The following DPP10 variants were observed in gnomAD, a reference collection of about 807,000 sequenced individuals.
The protein encoded by DPP10 is dipeptidyl peptidase like 10, also known as inactive dipeptidyl peptidase 10.
In DPP10, 33 loss-of-function variants were observed where a neutral mutation model predicts 120.9. The ratio of observed to expected loss-of-function variants is 0.27; its 90% CI spans 0.21 to 0.37. The LOEUF (loss-of-function observed/expected upper bound fraction) is 0.37, where lower values mean the gene tolerates loss of function less well. Ranked by LOEUF, DPP10 falls within the 10% of genes least tolerant of loss-of-function variation. The pLI, the probability that DPP10 is intolerant of heterozygous loss-of-function variation, is 1.00. For missense variants in DPP10, 816 were observed against 942.8 expected (o/e 0.87, Z 1.76); for synonymous variants, 337 against 326.1 (o/e 1.03, Z -0.36).
chr2:114,475,920 C>T (rs1680336318), intron 1 of DPP10, among the ~76,000 whole-genome samples: 1 of 151,658 alleles, frequency 6.6e-6, no homozygotes, highest in South Asian at 2.1e-4. Context: ...AACAAGTTTT[C>T]CTGTTTCTCA....
At chr2:115,099,562 A>G (rs1217363863) in intron 1 of DPP10, among the ~76,000 whole-genome samples, 10 of 152,132 alleles carry the variant, frequency 6.6e-5, no homozygotes, top group Non-Finnish European at 1.3e-4. Flanking sequence ...CTCTAGAACC[A>G]AGAACTGTAA....
At chr2:114,918,190 T>C (rs192228390) in intron 1 of DPP10, among the ~76,000 whole-genome samples, 54 of 152,146 alleles carry the variant, frequency 3.5e-4, no homozygotes, top group Admixed American at 9.8e-4. Context: ...CCAACAAGCA[T>C]AGGAAAAAAT....
chr2:115,367,173 G>A (rs1490844997), intron 3 of DPP10, among the ~76,000 whole-genome samples: 1 of 151,988 alleles, frequency 6.6e-6, no homozygotes, highest in Non-Finnish European at 1.5e-5. Context: ...TTGAATTTTA[G>A]ATGTAATGGA....
At chr2:115,630,615 A>G (rs1225191762) in intron 5 of DPP10, among the ~76,000 whole-genome samples, 1 of 152,134 alleles carries the variant, frequency 6.6e-6, no homozygotes, top group Non-Finnish European at 1.5e-5. Flanking sequence ...TTTAACATGA[A>G]GCGATGTTGA....
intron 3 of DPP10, among the ~76,000 whole-genome samples, chr2:115,482,807 A>G (rs545272842): frequency 1.9e-4 from 29 of 152,032 alleles, no homozygotes; most frequent in Non-Finnish European, 3.4e-4. Flanking sequence ...GCTTCCTTTC[A>G]TCATAGCCTT....
chr2:114,565,228 G>T (rs1243689161), intron 1 of DPP10, among the ~76,000 whole-genome samples: 1 of 152,200 alleles, frequency 6.6e-6, no homozygotes, highest in Non-Finnish European at 1.5e-5. Context: ...ATTAGCTCTT[G>T]TATTTTCTTT....
At chr2:115,526,269 A>G in intron 5 of DPP10, 1 of 286,566 alleles carries the variant, frequency 3.5e-6, no homozygotes, top group Non-Finnish European at 6.5e-6. Context: ...GGCTTGTGAA[A>G]GTTTCAAGAT....
At chr2:115,768,164 TAAAATAA>T in intron 12 of DPP10, 126 bp from the exon 13 acceptor site, 1 of 705,338 alleles carries the variant, frequency 1.4e-6, no homozygotes, top group Admixed American at 3.4e-5. Flanking sequence ...TTCATTTTTT[TAAAATAA>T]TGTGCCCATT....
chr2:114,801,240 G>A (rs1269424127), intron 1 of DPP10, among the ~76,000 whole-genome samples: 3 of 144,612 alleles, frequency 2.1e-5, no homozygotes, highest in Non-Finnish European at 4.5e-5. Context: ...TCCAGCCTGG[G>A]TGACAGAACG....
intron 3 of DPP10, among the ~76,000 whole-genome samples, chr2:115,483,505 G>A (rs1322397746): frequency 6.9e-6 from 1 of 144,830 alleles, no homozygotes; most frequent in Non-Finnish European, 1.5e-5. Flanking sequence ...GTGCATTTGT[G>A]TCTGTGTGTG....
At chr2:115,248,285 A>G (rs1262541734) in intron 1 of DPP10, among the ~76,000 whole-genome samples, 1 of 152,214 alleles carries the variant, frequency 6.6e-6, no homozygotes, top group Non-Finnish European at 1.5e-5. Context: ...AAGGGCTGGC[A>G]GAGGCATTAA....
At chr2:114,967,512 G>A (rs147481179) in intron 1 of DPP10, among the ~76,000 whole-genome samples, 1 of 152,324 alleles carries the variant, frequency 6.6e-6, no homozygotes, top group African/African-American at 2.4e-5. Context: ...ATCAAGATAA[G>A]TGCATGGAAT....
intron 1 of DPP10, among the ~76,000 whole-genome samples, chr2:115,281,847 A>G (rs1317200279): frequency 6.6e-6 from 1 of 152,152 alleles, no homozygotes. Context: ...TTTAAAAGTA[A>G]GGTGTATTTA....
At chr2:115,557,886 G>A (rs1005467859) in intron 5 of DPP10, among the ~76,000 whole-genome samples, 4 of 152,120 alleles carry the variant, frequency 2.6e-5, no homozygotes, top group African/African-American at 9.7e-5. Context: ...TTATTTTGAA[G>A]TATCATTCTA....
rs193267362 is a variant in DPP10, at chr2:115,138,796, C to T, written c.61-170443C>T. Reference sequence around the variant, plus strand: ...ACATCTAGAATTGTACTTGTAGATGCCATCAGAATACTCGATCAATATCTG... The same window carrying T: ...ACATCTAGAATTGTACTTGTAGATGTCATCAGAATACTCGATCAATATCTG... On this transcript the variant is annotated intron_variant, in intron 1 of 25. Coordinates refer to ENST00000410059, the MANE Select transcript of DPP10 (RefSeq NM_020868.6). Among the ~76,000 whole-genome samples the T allele has an allele frequency of 7.6e-4, 115 of 152,182 alleles. 4 individuals are homozygous for T. Among genetic ancestry groups the T allele is most frequent in the African/African-American group, 2.6e-3 (109 of 41,532 alleles).
chr2:115,316,000 C>G (rs2061774660), intron 2 of DPP10, among the ~76,000 whole-genome samples: 1 of 152,076 alleles, frequency 6.6e-6, no homozygotes, highest in Non-Finnish European at 1.5e-5. Context: ...CTTAGTTACT[C>G]TCATAATGTT....
At chr2:114,978,825 A>C (rs1160016058) in intron 1 of DPP10, among the ~76,000 whole-genome samples, 1 of 152,188 alleles carries the variant, frequency 6.6e-6, no homozygotes, top group African/African-American at 2.4e-5. Context: ...TTTAATGAAG[A>C]GGAATGTTTT....
chr2:114,915,782 T>C (rs1188326930), intron 1 of DPP10, among the ~76,000 whole-genome samples: 8 of 152,184 alleles, frequency 5.3e-5, no homozygotes, highest in Admixed American at 1.3e-4. Context: ...TAAGAAATTA[T>C]TTGAAACTAA....
At chr2:115,208,205 C>CTTTTTTTTTTTTTCT (rs72174314) in intron 1 of DPP10, among the ~76,000 whole-genome samples, 1 of 123,482 alleles carries the variant, frequency 8.1e-6, no homozygotes, top group Non-Finnish European at 1.7e-5. Flanking sequence ...TTTTTTTTTT[C>CTTTTTTTTTTTTTCT]TTTTTTTTTT....
Sources: allele counts gnomAD v4.1 joint callset (sites outside exome capture counted in the v4.1 genomes callset), GRCh38; gene constraint gnomAD v4.1.1; transcripts MANE v1.5; gene names NCBI Gene and HGNC (gene_info 2026-07-23, HGNC 2026-07-21).